The following KCNIP4 variants were observed in gnomAD, a reference collection of about 807,000 sequenced individuals.
KCNIP4 encodes the protein potassium voltage-gated channel interacting protein 4.
A neutral mutation model predicts 34.0 loss-of-function variants in KCNIP4; 12 were observed. That is an observed-to-expected ratio of 0.35 (90% CI 0.23 to 0.57). The LOEUF (loss-of-function observed/expected upper bound fraction) is 0.57, where lower values mean the gene tolerates loss of function less well. Among genes scored for constraint, KCNIP4 ranks in the 20% least tolerant of loss-of-function variants. KCNIP4 has a pLI of 0.83. For missense variants in KCNIP4, 238 were observed against 311.7 expected (o/e 0.76, Z 1.78); for synonymous variants, 124 against 102.2 (o/e 1.21, Z -1.29).
At chr4:21,849,844 T>C (rs1223767425) in intron 1 of KCNIP4, 1 of 151,958 alleles carries the variant, frequency 6.6e-6, no homozygotes, top group Non-Finnish European at 1.5e-5. Context: ...TAAATGTGTG[T>C]GTGTCTGTGT....
At chr4:21,015,794 T>C (rs1273083624) in intron 1 of KCNIP4, among the ~76,000 whole-genome samples, 2 of 136,600 alleles carry the variant, frequency 1.5e-5, no homozygotes, top group South Asian at 4.3e-4. Flanking sequence ...TATAAATATA[T>C]ATAAATATAT....
chr4:20,996,930 G>T (rs1208505868), intron 1 of KCNIP4, among the ~76,000 whole-genome samples: 1 of 152,114 alleles, frequency 6.6e-6, no homozygotes, highest in Admixed American at 6.5e-5. Flanking sequence ...TTGAATGAAT[G>T]ATGGCATAAG....
At position 20,802,798 on chromosome 4, in the gene KCNIP4, G is replaced by A. The variant is rs558496562; in HGVS notation, c.289-43908C>T. ...GAAATTTTAAAAATATCTTGAAGCC[G>A]AGCGTGGTGGCTCACGCCTGTAATC... On this transcript the variant is annotated intron_variant, in intron 3 of 8. Transcript: ENST00000382152. Among the ~76,000 whole-genome samples the A allele has an allele frequency of 2.2e-3, 332 of 152,266 alleles. 1 individual carries two copies. Among genetic ancestry groups the A allele is most frequent in the African/African-American group, 7.7e-3 (321 of 41,562 alleles).
chr4:21,522,534 AT>A (rs1159339281), intron 1 of KCNIP4, among the ~76,000 whole-genome samples: 2 of 152,012 alleles, frequency 1.3e-5, no homozygotes, highest in Non-Finnish European at 2.9e-5. Flanking sequence ...CTTACAGTAT[AT>A]TCTTTATGAC....
chr4:21,526,988 C>T (rs1577528404), intron 1 of KCNIP4, among the ~76,000 whole-genome samples: 1 of 152,158 alleles, frequency 6.6e-6, no homozygotes, highest in Non-Finnish European at 1.5e-5. Flanking sequence ...TCTACCCCTA[C>T]CCTTAGGCTG....
chr4:21,859,954 T>C (rs1578080164), intron 1 of KCNIP4, among the ~76,000 whole-genome samples: 4 of 152,188 alleles, frequency 2.6e-5, no homozygotes, highest in South Asian at 4.1e-4. Flanking sequence ...GGTGGAAGGA[T>C]TGCTTGAGCC....
chr4:21,081,577 C>A (rs1173515429), intron 1 of KCNIP4, among the ~76,000 whole-genome samples: 1 of 151,704 alleles, frequency 6.6e-6, no homozygotes, highest in African/African-American at 2.4e-5. Flanking sequence ...AGTAATTCTT[C>A]TAAACTATGC....
intron 1 of KCNIP4, among the ~76,000 whole-genome samples, chr4:21,108,891 C>G (rs953177014): frequency 2.6e-5 from 4 of 152,194 alleles, no homozygotes; most frequent in African/African-American, 7.2e-5. Context: ...TGGGTAACAG[C>G]AGTGGTGGCT....
intron 1 of KCNIP4, among the ~76,000 whole-genome samples, chr4:21,412,738 G>C (rs537996944): frequency 6.6e-6 from 1 of 152,200 alleles, no homozygotes; most frequent in South Asian, 2.1e-4. Flanking sequence ...AGCTTTCTTG[G>C]TTAACAAAAT....
chr4:20,857,164 C>T (rs141535532), intron 2 of KCNIP4, among the ~76,000 whole-genome samples: 23 of 151,954 alleles, frequency 1.5e-4, no homozygotes, highest in Non-Finnish European at 2.4e-4. Context: ...TATTTCTAGG[C>T]GGGTGACAGG....
chr4:21,188,119 C>G (rs1755375075), intron 1 of KCNIP4, among the ~76,000 whole-genome samples: 1 of 152,176 alleles, frequency 6.6e-6, no homozygotes, highest in Non-Finnish European at 1.5e-5. Context: ...GGAGGAAATG[C>G]TTGTCATATT....
chr4:21,333,253 T>C lies in KCNIP4; in HGVS notation c.62-450544A>G, dbSNP rs528179555. On this transcript the variant is annotated intron_variant, in intron 1 of 8. Transcript: ENST00000382152. ...CTTACTTGTTTTCCCTCCTAGAGTA[T>C]AAATTTTTTTTAGGCAAGTACTCTG... is the stretch of plus-strand genomic sequence containing the variant. Among the ~76,000 whole-genome samples the C allele has an allele frequency of 2.0e-5, 3 of 152,078 alleles. No individual in the cohort carries two copies. In the South Asian group the frequency reaches 6.2e-4, roughly 32 times the overall value.
chr4:21,554,694 C>T (rs912254021), intron 1 of KCNIP4, among the ~76,000 whole-genome samples: 9 of 152,040 alleles, frequency 5.9e-5, no homozygotes, highest in Non-Finnish European at 1.0e-4. Context: ...GTTTGTGTCA[C>T]GTCCCCCAGA....
chr4:21,482,310 C>T (rs1731499909), intron 1 of KCNIP4, among the ~76,000 whole-genome samples: 1 of 152,114 alleles, frequency 6.6e-6, no homozygotes, highest in African/African-American at 2.4e-5. Context: ...AGCCCATTTA[C>T]ATTTAAGGTT....
intron 1 of KCNIP4, among the ~76,000 whole-genome samples, chr4:21,839,740 A>G (rs1179779050): frequency 6.9e-6 from 1 of 145,804 alleles, no homozygotes; most frequent in East Asian, 2.0e-4. Context: ...GGGCAACAAG[A>G]GCAAAACTCC....
intron 1 of KCNIP4, among the ~76,000 whole-genome samples, chr4:20,992,085 G>C (rs1407567275): frequency 6.6e-6 from 1 of 152,190 alleles, no homozygotes; most frequent in Non-Finnish European, 1.5e-5. Flanking sequence ...TTGTTGTATA[G>C]GAGTTGTAGA....
rs533248971 is a variant in KCNIP4, at chr4:20,778,894, G to T, written c.289-20004C>A. Among the ~76,000 whole-genome samples the T allele has an allele frequency of 2.1e-3, 322 of 152,260 alleles. 2 individuals are homozygous for T. The highest frequency in any genetic ancestry group is 3.9e-3 in the Non-Finnish European group (266 of 68,000). ...GCATGTAAAAGTTGTTGTTATTGCTGATTTGGAATGAGTATGTCTTCTAAT... is the reference window on the plus strand; with the variant it reads ...GCATGTAAAAGTTGTTGTTATTGCTTATTTGGAATGAGTATGTCTTCTAAT... On this transcript the variant is annotated intron_variant, in intron 3 of 8. Coordinates refer to ENST00000382152, the MANE Select transcript of KCNIP4 (RefSeq NM_025221.6).
chr4:21,699,093 T>A (rs897925747), intron 1 of KCNIP4, among the ~76,000 whole-genome samples: 2 of 152,214 alleles, frequency 1.3e-5, no homozygotes, highest in Admixed American at 1.3e-4. Flanking sequence ...ATGGCATCCC[T>A]AAGTTTGAAA....
At chr4:21,857,513 C>T (rs774785678) in intron 1 of KCNIP4, among the ~76,000 whole-genome samples, 33 of 152,066 alleles carry the variant, frequency 2.2e-4, no homozygotes, top group Non-Finnish European at 4.6e-4. Flanking sequence ...TTTCTCTCTG[C>T]TGAGAGGTGA....
Sources: allele counts gnomAD v4.1 joint callset (sites outside exome capture counted in the v4.1 genomes callset), GRCh38; gene constraint gnomAD v4.1.1; transcripts MANE v1.5; gene names NCBI Gene and HGNC (gene_info 2026-07-23, HGNC 2026-07-21).